JADE3: variants seen among roughly 807,000 people sequenced by gnomAD.
JADE3 encodes the protein jade family PHD finger 3, also known as protein Jade-3.
In JADE3, 2 loss-of-function variants were observed where a neutral mutation model predicts 50.1. That is an observed-to-expected ratio of 0.04 (90% CI 0.02 to 0.13). The LOEUF (loss-of-function observed/expected upper bound fraction) is 0.13. Among genes scored for constraint, JADE3 ranks in the 10% least tolerant of loss-of-function variants. JADE3 has a pLI of 1.00. For missense variants in JADE3, 475 were observed against 634.4 expected (o/e 0.75, Z 2.70); for synonymous variants, 218 against 232.9 (o/e 0.94, Z 0.58).
At chrX:47,030,071 A>G (rs1456036187) in intron 6 of JADE3, among the ~76,000 whole-genome samples, 6 of 108,934 alleles carry the variant, frequency 5.5e-5, no homozygotes, top group African/African-American at 1.7e-4. Context: ...GTCATATACT[A>G]TATATATATA....
chrX:47,045,429 A>C (rs1339028622), intron 8 of JADE3, among the ~76,000 whole-genome samples: 2 of 112,765 alleles, frequency 1.8e-5, no homozygotes, highest in Non-Finnish European at 3.8e-5. Flanking sequence ...AGAGTTAAAG[A>C]GATAGACCTC....
chrX:46,984,116 A>G (rs1280731112), intron 1 of JADE3, among the ~76,000 whole-genome samples: 1 of 111,916 alleles, frequency 8.9e-6, no homozygotes, highest in African/African-American at 3.3e-5. Context: ...CATTTTCAGC[A>G]CTTCGTTTGT....
chrX:47,049,330 G>A (rs1333808167), intron 8 of JADE3, among the ~76,000 whole-genome samples: 5 of 107,840 alleles, frequency 4.6e-5, no homozygotes, highest in Non-Finnish European at 5.8e-5. Context: ...GGGATTACAG[G>A]TGCCCGCCTG....
At chrX:46,997,991 T>G (rs1305200424) in intron 3 of JADE3, 129 bp from the exon 4 acceptor site, 9 of 504,857 alleles carry the variant, frequency 1.8e-5, no homozygotes, top group Non-Finnish European at 2.9e-5. Context: ...ATCTGGCCAT[T>G]TAGGAAGTTA....
chrX:46,986,982 TTCTGTGGGTCAGTA>T (rs1196790628), intron 3 of JADE3, among the ~76,000 whole-genome samples: 3 of 112,392 alleles, frequency 2.7e-5, no homozygotes, highest in Non-Finnish European at 5.6e-5. Flanking sequence ...ATATCTCAGT[TTCTGTGGGTCAGTA>T]ATCTGGGCAT....
At chrX:47,052,495 G>A (rs1929532251) in intron 8 of JADE3, among the ~76,000 whole-genome samples, 2 of 107,316 alleles carry the variant, frequency 1.9e-5, no homozygotes, top group Admixed American at 2.0e-4. Flanking sequence ...TTAGCCAGGT[G>A]TGGTGGCAGG....
At chrX:46,977,023 T>A (rs921883022) in intron 1 of JADE3, among the ~76,000 whole-genome samples, 9 of 111,811 alleles carry the variant, frequency 8.0e-5, no homozygotes, top group Non-Finnish European at 1.5e-4. Flanking sequence ...CTTAAAAAAA[T>A]TTTTTTGACA....
At chrX:47,019,509 T>A (rs2079697375) in intron 4 of JADE3, among the ~76,000 whole-genome samples, 1 of 111,930 alleles carries the variant, frequency 8.9e-6, no homozygotes, top group South Asian at 3.8e-4. Context: ...CTCAGCCTCC[T>A]GAGTAGCTGG....
chrX:46,957,508 A>G (rs781790115), intron 1 of JADE3, among the ~76,000 whole-genome samples: 54 of 112,242 alleles, frequency 4.8e-4, no homozygotes, highest in African/African-American at 1.6e-3. Context: ...TGCTTTGGTC[A>G]TTGAAATGTC....
chrX:46,978,691 C>T (rs1196201051), intron 1 of JADE3, among the ~76,000 whole-genome samples: 1 of 111,473 alleles, frequency 9.0e-6, no homozygotes, highest in Non-Finnish European at 1.9e-5. Flanking sequence ...GGAGATTGGG[C>T]TTAGAAGGGG....
intron 1 of JADE3, among the ~76,000 whole-genome samples, chrX:46,959,252 T>C (rs1299149166): frequency 8.9e-6 from 1 of 112,450 alleles, no homozygotes; most frequent in Admixed American, 9.4e-5. Context: ...AGTTTCACTC[T>C]CAGGCAGACT....
intron 3 of JADE3, among the ~76,000 whole-genome samples, chrX:46,987,016 A>C (rs1927878398): frequency 8.9e-6 from 1 of 112,166 alleles, no homozygotes; most frequent in South Asian, 3.7e-4. Flanking sequence ...TGATGTGACT[A>C]GATTCTTTGT....
At chrX:47,057,994 GC>G (rs782227463) in intron 10 of JADE3, among the ~76,000 whole-genome samples, 172 bp from the exon 11 acceptor site, 3 of 111,109 alleles carry the variant, frequency 2.7e-5, no homozygotes, top group South Asian at 3.8e-4. Flanking sequence ...TTCATTCTTG[GC>G]CCCAACCTCT....
rs1286922035 is a variant in JADE3, at chrX:47,024,715, C to G, written c.285-9C>G. 2 of 1,133,843 alleles carry G rather than the reference C, an allele frequency of 1.8e-6. No homozygotes were observed. Among genetic ancestry groups the G allele is most frequent in the Non-Finnish European group, 2.4e-6 (2 of 837,696 alleles). 93.4% of individuals were successfully genotyped at this position (1,133,843 alleles called of 1,213,427 possible). On this transcript the variant is annotated splice_polypyrimidine_tract_variant and intron_variant, in intron 4 of 10. Transcript: ENST00000614628. Reference sequence around the variant, plus strand: ...GATTGTTATCATTGTCTTTCTGTTGCTTTTCTAGGATTATAGCTGAGAAGG... The same window carrying G: ...GATTGTTATCATTGTCTTTCTGTTGGTTTTCTAGGATTATAGCTGAGAAGG...
chrX:46,982,603 C>T (rs145829228), intron 1 of JADE3, among the ~76,000 whole-genome samples: 281 of 111,030 alleles, frequency 2.5e-3, no homozygotes, highest in Middle Eastern at 9.3e-3. Context: ...TGCTTGTTTA[C>T]TGCTTTAGTA....
Position 47,058,375 on chromosome X carries a change from A to G in JADE3, c.1770A>G (p.Thr590=). 1 of 1,211,075 alleles carries G rather than the reference A, an allele frequency of 8.3e-7. No homozygotes were observed. Among genetic ancestry groups the G allele is most frequent in the South Asian group, 1.8e-5 (1 of 56,940 alleles). ...QVPQESLEMR[T]KSYPRYPLES... is the part of the protein sequence containing the mutation. ...CTCAGGAGTCACTAGAAATGAGAAC[A>G]AAATCGTATCCGAGATACCCACTAG... The change falls in exon 11 of 11, where the codon ACA becomes ACG. Residue 590 remains threonine, a synonymous_variant. Coordinates refer to ENST00000614628, the MANE Select transcript of JADE3 (RefSeq NM_014735.5).
At chrX:47,043,692 G>A (rs1382194840) in intron 8 of JADE3, among the ~76,000 whole-genome samples, 1 of 109,682 alleles carries the variant, frequency 9.1e-6, no homozygotes, top group Admixed American at 9.8e-5. Flanking sequence ...GGTGGTGGGC[G>A]CCTGTAGTCC....
At chrX:47,016,270 TTC>T (rs1437895591) in intron 4 of JADE3, among the ~76,000 whole-genome samples, 1 of 111,850 alleles carries the variant, frequency 8.9e-6, no homozygotes, top group Non-Finnish European at 1.9e-5. Context: ...CACCTCGCAC[TTC>T]TCTGCTGCTC....
chrX:46,942,549 T>G (rs1926785762), intron 1 of JADE3, among the ~76,000 whole-genome samples: 1 of 111,886 alleles, frequency 8.9e-6, no homozygotes, highest in African/African-American at 3.2e-5. Flanking sequence ...TTCTGTTTTG[T>G]TCCATTGGTC....
Sources: gnomAD v4.1 joint callset for allele counts (sites outside exome capture counted in the v4.1 genomes callset) on GRCh38, gnomAD v4.1.1 for gene constraint, MANE v1.5 for transcripts, NCBI Gene and HGNC (gene_info 2026-07-23, HGNC 2026-07-21) for gene names.